SETBP1: variants seen among roughly 807,000 people sequenced by gnomAD.
SETBP1 encodes the protein SET-binding protein.
In SETBP1, 9 loss-of-function variants were observed where a neutral mutation model predicts 101.0. The ratio of observed to expected loss-of-function variants is 0.09; its 90% CI spans 0.05 to 0.16. The LOEUF (loss-of-function observed/expected upper bound fraction) is 0.16. Among genes scored for constraint, SETBP1 ranks in the 10% least tolerant of loss-of-function variants. The pLI is 1.00. For synonymous variants in SETBP1, 818 were observed against 788.5 expected, an observed-to-expected ratio of 1.04 and a Z score of -0.63; for missense variants, 1,858 against 2,033.8, an observed-to-expected ratio of 0.91 and a Z score of 1.66.
chr18:45,031,062 T>C (rs1157905514), intron 4 of SETBP1, among the ~76,000 whole-genome samples: 1 of 152,036 alleles, frequency 6.6e-6, no homozygotes, highest in Non-Finnish European at 1.5e-5. Context: ...AGCTTTTGAA[T>C]GTGTTTGCTC....
intron 2 of SETBP1, among the ~76,000 whole-genome samples, chr18:44,705,979 A>G (rs1294490963): frequency 1.3e-5 from 2 of 152,176 alleles, no homozygotes; most frequent in Non-Finnish European, 2.9e-5. Flanking sequence ...TAGGATAGGA[A>G]TTGAGATGCT....
intron 2 of SETBP1, among the ~76,000 whole-genome samples, chr18:44,864,283 G>C (rs1262837482): frequency 6.6e-6 from 1 of 152,112 alleles, no homozygotes; most frequent in Non-Finnish European, 1.5e-5. Context: ...GACGCAAAGA[G>C]AGAATCCCAT....
chr18:44,722,112 A>G (rs1188471033), intron 2 of SETBP1, among the ~76,000 whole-genome samples: 1 of 151,914 alleles, frequency 6.6e-6, no homozygotes, highest in Non-Finnish European at 1.5e-5. Flanking sequence ...GTATCTGGAC[A>G]TGTGTATGTG....
intron 2 of SETBP1, among the ~76,000 whole-genome samples, chr18:44,797,263 T>C (rs2071500850): frequency 1.3e-5 from 2 of 152,238 alleles, no homozygotes; most frequent in Non-Finnish European, 2.9e-5. Flanking sequence ...GTCTCACATA[T>C]GTTTAAATTT....
chr18:44,907,191 C>T (rs539154818), intron 3 of SETBP1, among the ~76,000 whole-genome samples: 184 of 152,206 alleles, frequency 1.2e-3, no homozygotes, highest in African/African-American at 4.4e-3. Context: ...ATACTTTGTT[C>T]TTTTTATGGC....
At chr18:44,979,003 A>G (rs1486917379) in intron 4 of SETBP1, among the ~76,000 whole-genome samples, 2 of 152,196 alleles carry the variant, frequency 1.3e-5, no homozygotes, top group South Asian at 2.1e-4. Context: ...TTCGAACTCA[A>G]ATCTGGCTGA....
chr18:44,915,602 G>A (rs1028872471), intron 3 of SETBP1, among the ~76,000 whole-genome samples: 1 of 152,150 alleles, frequency 6.6e-6, no homozygotes, highest in Non-Finnish European at 1.5e-5. Flanking sequence ...CATGTCAGAC[G>A]GGCAAGATGA....
intron 4 of SETBP1, among the ~76,000 whole-genome samples, chr18:44,980,485 A>T (rs1278960618): frequency 3.0e-5 from 4 of 133,466 alleles, no homozygotes; most frequent in Admixed American, 1.5e-4. Context: ...CTTCTGCTTT[A>T]AAAAAAAAAA....
At chr18:45,049,023 G>T (rs916680042) in intron 5 of SETBP1, among the ~76,000 whole-genome samples, 1 of 142,990 alleles carries the variant, frequency 7.0e-6, no homozygotes, top group African/African-American at 2.6e-5. Flanking sequence ...ATTAGCCCCT[G>T]CCCCAGAGGA....
At chr18:44,855,139 T>A (rs1273487193) in intron 2 of SETBP1, among the ~76,000 whole-genome samples, 3 of 152,208 alleles carry the variant, frequency 2.0e-5, no homozygotes, top group African/African-American at 7.2e-5. Flanking sequence ...ACTCTGCTTT[T>A]TCTTTCTGCT....
rs182098973 is a variant in SETBP1 at position 44,730,148 on chromosome 18, A to T, written c.486+28316A>T. 3.8e-3 allele frequency among the ~76,000 whole-genome samples: 576 copies of T among 152,326 alleles called. 3 individuals carry two copies. Among genetic ancestry groups the T allele is most frequent in the Non-Finnish European group, 4.3e-3 (292 of 68,038 alleles). On this transcript the variant is annotated intron_variant, in intron 2 of 5. Coordinates refer to ENST00000649279, the MANE Select transcript of SETBP1 (RefSeq NM_015559.3). ...GGTAGCACTAAATTCCCTTAGATAC[A>T]TATTGAATACGACTTGCTTTATTCT...
intron 3 of SETBP1, among the ~76,000 whole-genome samples, chr18:44,888,307 C>A (rs185697869): frequency 2.2e-4 from 34 of 152,198 alleles, no homozygotes; most frequent in Non-Finnish European, 2.4e-4. Flanking sequence ...CCCTTCTTAG[C>A]ATCTAGTAAA....
At chr18:45,060,055 A>C (rs1455030111) in intron 5 of SETBP1, among the ~76,000 whole-genome samples, 1 of 152,232 alleles carries the variant, frequency 6.6e-6, no homozygotes, top group Admixed American at 6.5e-5. Flanking sequence ...TTTTCTACCC[A>C]ACTCTTTAAA....
chr18:44,947,001 A>G (rs1192598591), intron 3 of SETBP1, among the ~76,000 whole-genome samples: 6 of 152,190 alleles, frequency 3.9e-5, no homozygotes, highest in Admixed American at 3.3e-4. Context: ...CGTAAAATGT[A>G]TGCTTCTTCA....
At chr18:44,851,138 A>G (rs887990877) in intron 2 of SETBP1, among the ~76,000 whole-genome samples, 4 of 152,178 alleles carry the variant, frequency 2.6e-5, no homozygotes, top group African/African-American at 9.7e-5. Context: ...CATTATCATC[A>G]TCAAAAGTTA....
At chr18:44,819,988 A>G (rs556152385) in intron 2 of SETBP1, among the ~76,000 whole-genome samples, 3 of 152,336 alleles carry the variant, frequency 2.0e-5, no homozygotes, top group African/African-American at 4.8e-5. Context: ...ACACGTCATC[A>G]TTGCTGATGG....
chr18:45,061,335 C>T (rs1455065873), intron 5 of SETBP1, among the ~76,000 whole-genome samples: 1 of 152,160 alleles, frequency 6.6e-6, no homozygotes, highest in Non-Finnish European at 1.5e-5. Flanking sequence ...CTGCTAGGCC[C>T]TTTGAGGGAC....
intron 3 of SETBP1, among the ~76,000 whole-genome samples, chr18:44,893,916 T>C (rs1158237745): frequency 6.6e-6 from 1 of 152,132 alleles, no homozygotes; most frequent in Non-Finnish European, 1.5e-5. Flanking sequence ...GCTGCCTATC[T>C]ATTGTATATA....
intron 2 of SETBP1, among the ~76,000 whole-genome samples, chr18:44,835,639 G>C (rs561436734): frequency 3.3e-5 from 5 of 152,052 alleles, no homozygotes; most frequent in Admixed American, 6.6e-5. Context: ...TTAGAGTTTA[G>C]GGATCCACCT....
Sources: gnomAD v4.1 joint callset for allele counts (sites outside exome capture counted in the v4.1 genomes callset) on GRCh38, gnomAD v4.1.1 for gene constraint, MANE v1.5 for transcripts, NCBI Gene and HGNC (gene_info 2026-07-23, HGNC 2026-07-21) for gene names.